The following ZNF587 variants were observed in gnomAD, a reference collection of about 807,000 sequenced individuals.
ZNF587 encodes the protein zinc finger protein zfp6.
Under a neutral mutation model 7.5 loss-of-function variants are expected in ZNF587, and 8 were observed. That is an observed-to-expected ratio of 1.06 (90% confidence interval 0.62 to 1.92). The LOEUF is 1.92. Ranked by LOEUF, ZNF587 falls within the 40% of genes most tolerant of loss-of-function variation. ZNF587 has a pLI of 0.00. For synonymous variants in ZNF587, 145 were observed against 237.8 expected (o/e 0.61, Z 3.59); for missense variants, 468 against 692.8 (o/e 0.68, Z 3.64).
At position 57,864,027 on chromosome 19, in the gene ZNF587, G is replaced by C. The variant is rs2071472398; in HGVS notation, c.*3887G>C. 1 of 132,876 alleles carries C rather than the reference G, an allele frequency of 7.5e-6. No homozygotes were observed. The highest frequency in any genetic ancestry group is 1.5e-5 in the Non-Finnish European group (1 of 64,644). 8.2% of individuals were successfully genotyped at this position (132,876 alleles called of 1,614,324 possible). A position where few individuals can be genotyped will look rare whatever the true frequency, so the allele number is the denominator to read the frequency against. ...CAGTGCACTCCAACCTGGTGACAGA[G>C]AGACACATCATCTCAAAAAAAAAAA... On this transcript the variant is annotated 3_prime_UTR_variant, in exon 3 of 3. Coordinates refer to ENST00000339656, the MANE Select transcript of ZNF587 (RefSeq NM_032828.4).
At chr19:57,851,623 T>C (rs984356169) in intron 1 of ZNF587, 1 of 152,788 alleles carries the variant, frequency 6.5e-6, no homozygotes, top group Non-Finnish European at 1.5e-5. Context: ...GAACCTGGGG[T>C]TCACAGGCAT....
In ZNF587 at chr19:57,860,732, G is replaced by A. The variant is rs2071422737; in HGVS notation, c.*592G>A. 1 of 154,640 alleles carries A rather than the reference G, an allele frequency of 6.5e-6. No individual in the cohort carries two copies. Among genetic ancestry groups the A allele is most frequent in the Non-Finnish European group, 1.4e-5 (1 of 69,712 alleles). 9.6% of individuals were successfully genotyped at this position (154,640 alleles called of 1,614,324 possible). On this transcript the variant is annotated 3_prime_UTR_variant, in exon 3 of 3. Transcript: ENST00000339656. ...ACCTCCTCTCTACAAAAAGAAAAAA[G>A]AATGACATGCTTCTTGTTTTTGTCT... is the stretch of plus-strand genomic sequence containing the variant.
In ZNF587 at chr19:57,858,637, A is replaced by G; in HGVS notation, c.225A>G (p.Arg75=). Residue 75 remains arginine, a synonymous_variant, in exon 3 of 3, where the codon AGA becomes AGG. Coordinates refer to ENST00000339656, the MANE Select transcript of ZNF587 (RefSeq NM_032828.4). The stretch of plus-strand genomic sequence containing the variant: ...GTAAGCAGAGAATTTCTGTACAAAG[A>G]GAGTCTCAGAGCAGGACTCCTAGGG... The part of the protein sequence containing the change: ...APCKQRISVQ[R]ESQSRTPRAG... The G allele has an allele frequency of 6.5e-7, 1 of 1,540,550 alleles. No homozygotes were observed.
chr19:57,860,304 T>C lies in ZNF587; in HGVS notation c.*164T>C, dbSNP rs1236841296. ...TTCGTGTTGAGATGGAGTCTTGTTC[T>C]GTCACCCAGGCTGGAGTGCAGTGGT... On this transcript the variant is annotated 3_prime_UTR_variant, in exon 3 of 3. Transcript: ENST00000339656. 1.4e-6 allele frequency: 2 copies of C among 1,384,794 alleles called. No individual in the cohort carries two copies. Among genetic ancestry groups the C allele is most frequent in the Non-Finnish European group, 2.0e-6 (2 of 1,008,122 alleles). 85.8% of individuals were successfully genotyped at this position (1,384,794 alleles called of 1,614,324 possible). A position where few individuals can be genotyped will look rare whatever the true frequency, so the allele number is the denominator to read the frequency against.
rs2071352074 is a variant in ZNF587, at chr19:57,856,113, G to A, written c.43G>A (p.Val15Met). 4.3e-6 allele frequency: 7 copies of A among 1,612,684 alleles called. No homozygotes were observed. Among genetic ancestry groups the A allele is most frequent in the African/African-American group, 1.3e-5 (1 of 74,812 alleles). ...TCTGTCACTATCATAGCAGGGCACT[G>A]TGACCTTTGAAGATGTGGCTGTGAA... Reference protein sequence around the residue: ...VPRRPTQQGTVTFEDVAVNFS... With the variant: ...VPRRPTQQGTMTFEDVAVNFS... Residue 15 changes from valine (V) to methionine (M), a missense_variant, in exon 2 of 3, where the codon GTG becomes ATG. Physicochemically the swap from Val to Met is conservative, Grantham distance 21. This residue lies in a region of ZNF587 where 92 missense variants were observed against 89.7 expected (regional missense o/e 1.03). Coordinates refer to ENST00000339656, the MANE Select transcript of ZNF587 (RefSeq NM_032828.4).
Position 57,859,709 on chromosome 19 carries a change from G to A in ZNF587, c.1297G>A (p.Glu433Lys). ...LTEHQRLHTG[E>K]RPYNCRECGK... is the part of the protein sequence containing the mutation. ...TGAACACCAGAGACTTCACACTGGG[G>A]AAAGACCTTACAATTGTAGGGAATG... Residue 433 changes from glutamate to lysine, a missense_variant, in exon 3 of 3, where the codon GAA (glutamate) becomes AAA (lysine). Physicochemically the swap from Glu to Lys is moderately conservative, Grantham distance 56. Around this residue, in one of 5 missense-constraint regions of ZNF587, gnomAD observed 310 missense variants for 325.6 expected, o/e 0.95. Coordinates refer to ENST00000339656, the MANE Select transcript of ZNF587 (RefSeq NM_032828.4). 6.2e-7 allele frequency: 1 copy of A among 1,613,746 alleles called. No homozygotes were observed. Among genetic ancestry groups the A allele is most frequent in the South Asian group, 1.1e-5 (1 of 91,062 alleles).
chr19:57,855,928 T>A, intron 1 of ZNF587, 176 bp from the exon 2 acceptor site: 2 of 1,113,060 alleles, frequency 1.8e-6, no homozygotes, highest in Admixed American at 2.6e-5. Context: ...CTACTTCTTG[T>A]TGCTGATGGC....
Position 57,859,757 on chromosome 19 carries a change from TATC to T in ZNF587, c.1349_1351del (p.His450del), listed in dbSNP as rs1468994147. ...ATGTGGGAAATTATTTAACAGGAAGTATCATCTTCTGGTTCATGAGAGAGTTCA... is the reference window on the plus strand; with the variant it reads ...ATGTGGGAAATTATTTAACAGGAAGTATCTTCTGGTTCATGAGAGAGTTCA... On this transcript the variant is annotated inframe_deletion, in exon 3 of 3. Transcript: ENST00000339656. 8.7e-6 allele frequency: 14 copies of T among 1,613,392 alleles called. No individual in the cohort carries two copies. Among genetic ancestry groups the T allele is most frequent in the Admixed American group, 1.7e-5 (1 of 59,962 alleles).
At position 57,860,025 on chromosome 19, in the gene ZNF587, A is replaced by G; in HGVS notation, c.1613A>G (p.His538Arg). 6.2e-7 allele frequency: 1 copy of G among 1,614,204 alleles called. No individual in the cohort carries two copies. The highest frequency in any genetic ancestry group is 1.7e-5 in the Admixed American group (1 of 60,030). ...TCTGAATGTTCCAGTCTCATTAAAC[A>G]CAGGAGAATTCACACTGGAGAAAGG... ...SFSECSSLIK[H>R]RRIHTGERPY... is the part of the protein sequence containing the mutation. Residue 538 changes from histidine to arginine, a missense_variant, in exon 3 of 3, where the codon CAC becomes CGC. Transcript: ENST00000339656.
At position 57,860,484 on chromosome 19, in the gene ZNF587, G is replaced by C; in HGVS notation, c.*344G>C. The C allele has an allele frequency of 3.1e-6, 1 of 322,182 alleles. No homozygotes were observed. The highest frequency in any genetic ancestry group is 5.9e-6 in the Non-Finnish European group (1 of 170,674). 20.0% of individuals were successfully genotyped at this position (322,182 alleles called of 1,614,324 possible). A position where few individuals can be genotyped will look rare whatever the true frequency, so the allele number is the denominator to read the frequency against. Reference sequence around the variant, plus strand: ...GGGTTTTACCATGTTGGCCAGGCTGGTCTCAAACTCCTGACCTCAAGTGAT... The same window carrying C: ...GGGTTTTACCATGTTGGCCAGGCTGCTCTCAAACTCCTGACCTCAAGTGAT... On this transcript the variant is annotated 3_prime_UTR_variant, in exon 3 of 3. Coordinates refer to ENST00000339656, the MANE Select transcript of ZNF587 (RefSeq NM_032828.4).
At position 57,860,413 on chromosome 19, in the gene ZNF587, T is replaced by C; in HGVS notation, c.*273T>C. On this transcript the variant is annotated 3_prime_UTR_variant, in exon 3 of 3. Coordinates refer to ENST00000339656, the MANE Select transcript of ZNF587 (RefSeq NM_032828.4). ...CCTCCTGAGTAGCTGGGATTATGAG[T>C]ACACACCACCACGCCCAGCTAATTT... 1 of 536,044 alleles carries C rather than the reference T, an allele frequency of 1.9e-6. No individual in the cohort carries two copies. Among genetic ancestry groups the C allele is most frequent in the Admixed American group, 3.3e-5 (1 of 30,244 alleles). 33.2% of individuals were successfully genotyped at this position (536,044 alleles called of 1,614,324 possible). A position where few individuals can be genotyped will look rare whatever the true frequency, so the allele number is the denominator to read the frequency against.
At position 57,854,542 on chromosome 19, in the gene ZNF587, C is replaced by A. The variant is rs62129198; in HGVS notation, c.34-1562C>A. The stretch of plus-strand genomic sequence containing the variant: ...GGGACAACCTTAAAAGGTGTGAGTA[C>A]AAATCTCATTCCCACTCTGCTCTCT... On this transcript the variant is annotated intron_variant, in intron 1 of 2. Transcript: ENST00000339656. 8.7e-3 allele frequency among the ~76,000 whole-genome samples: 1,318 copies of A among 151,530 alleles called. 8 individuals carry two copies. Among genetic ancestry groups the A allele is most frequent in the Non-Finnish European group, 0.014 (967 of 67,918 alleles).
chr19:57,863,983 C>CA lies in ZNF587; in HGVS notation c.*3844dup. Reference sequence around the variant, plus strand: ...GGTTGAACCTGGGAGGTGGAAGGTGCACTGAGCCAATATCACACCAGTGCA... The same window carrying CA: ...GGTTGAACCTGGGAGGTGGAAGGTGCAACTGAGCCAATATCACACCAGTGCA... On this transcript the variant is annotated 3_prime_UTR_variant, in exon 3 of 3. Transcript: ENST00000339656. 1 of 147,088 alleles carries CA rather than the reference C, an allele frequency of 6.8e-6. No homozygotes were observed. The highest frequency in any genetic ancestry group is 2.5e-5 in the African/African-American group (1 of 39,708). 9.1% of individuals were successfully genotyped at this position (147,088 alleles called of 1,614,324 possible). A position where few individuals can be genotyped will look rare whatever the true frequency, so the allele number is the denominator to read the frequency against.
In ZNF587 at chr19:57,860,238, G is replaced by A; in HGVS notation, c.*98G>A. ...AAGGCCTTATGAGTGCTGTCAATGT[G>A]GAAAACATCAGAATGTCTGCTGTCC... On this transcript the variant is annotated 3_prime_UTR_variant, in exon 3 of 3. Coordinates refer to ENST00000339656, the MANE Select transcript of ZNF587 (RefSeq NM_032828.4). 1.3e-6 allele frequency: 2 copies of A among 1,598,930 alleles called. No individual in the cohort carries two copies. Among genetic ancestry groups the A allele is most frequent in the Non-Finnish European group, 1.7e-6 (2 of 1,170,278 alleles).
chr19:57,858,341 G>A (rs2122346506), intron 2 of ZNF587: 2 of 681,256 alleles, frequency 2.9e-6, no homozygotes, highest in East Asian at 6.4e-5. Context: ...TGTTCATGCT[G>A]GTCTTGAACT....
intron 1 of ZNF587, chr19:57,850,329 C>A: frequency 1.6e-6 from 1 of 637,344 alleles, no homozygotes; most frequent in Non-Finnish European, 2.7e-6. Context: ...GTTCGGGAGA[C>A]AGGAGTTTTA....
chr19:57,857,947 A>G (rs534273839), intron 2 of ZNF587, among the ~76,000 whole-genome samples: 1 of 149,832 alleles, frequency 6.7e-6, no homozygotes, highest in African/African-American at 2.5e-5. Context: ...ATATTCTTCT[A>G]TATAGCACTC....
At chr19:57,852,308 A>C (rs991941206) in intron 1 of ZNF587, 4 of 398,450 alleles carry the variant, frequency 1.0e-5, no homozygotes, top group African/African-American at 2.1e-5. Context: ...CTTAGAGATA[A>C]AACGGATCAA....
rs918291993 is a variant in ZNF587, at chr19:57,859,426, C to T, written c.1014C>T (p.Asn338=). Residue 338 remains asparagine, a synonymous_variant, in exon 3 of 3, where the codon AAC becomes AAT. Coordinates refer to ENST00000339656, the MANE Select transcript of ZNF587 (RefSeq NM_032828.4). ...GGAAATCTTTTGGTCAAAAGGGTAA[C>T]CTCATTCAACATCAGCAAGGTCACA... ...ECGKSFGQKG[N]LIQHQQGHTG... 3.7e-5 allele frequency: 60 copies of T among 1,610,746 alleles called. No homozygotes were observed. The highest frequency in any genetic ancestry group is 4.7e-5 in the Non-Finnish European group (56 of 1,179,954).
Sources: allele counts gnomAD v4.1 joint callset (sites outside exome capture counted in the v4.1 genomes callset), GRCh38; gene constraint gnomAD v4.1.1; regional missense constraint gnomAD v4.1.1; transcripts MANE v1.5; gene names NCBI Gene and HGNC (gene_info 2026-07-23, HGNC 2026-07-21).